Variants in LIMCH1 observed in about 807,000 individuals in gnomAD.
The protein encoded by LIMCH1 is LIM and calponin homology domains-containing protein 1.
A neutral mutation model predicts 176.5 loss-of-function variants in LIMCH1; 113 were observed. That is an observed-to-expected ratio of 0.64 (90% CI 0.55 to 0.75). The LOEUF (loss-of-function observed/expected upper bound fraction) is 0.75. Ranked by LOEUF, LIMCH1 falls within the 30% of genes least tolerant of loss-of-function variation. LIMCH1 has a pLI of 0.00. For missense variants in LIMCH1, 1,674 were observed against 1,814.9 expected (o/e 0.92, Z 1.41); for synonymous variants, 619 against 645.9 (o/e 0.96, Z 0.63).
chr4:41,522,044 TAATG>T (rs1286799351), intron 2 of LIMCH1, among the ~76,000 whole-genome samples: 2 of 152,160 alleles, frequency 1.3e-5, no homozygotes, highest in African/African-American at 4.8e-5. Context: ...AATTTTAAAA[TAATG>T]AATTTTGGGG....
In LIMCH1 at chr4:41,680,073, A is replaced by G. The variant is rs768090323; in HGVS notation, c.3587A>G (p.Glu1196Gly). The G allele has an allele frequency of 1.7e-5, 28 of 1,608,628 alleles. No homozygotes were observed. The highest frequency in any genetic ancestry group is 2.2e-5 in the Non-Finnish European group (26 of 1,177,438). Reference sequence around the variant, plus strand: ...GAAAAGGCCCAAAAGGAGGTGGAAGAGGAAGAACGCAGATACTATGAGGAG... The same window carrying G: ...GAAAAGGCCCAAAAGGAGGTGGAAGGGGAAGAACGCAGATACTATGAGGAG... ...EWEKAQKEVE[E>G]EERRYYEEER... The change falls in exon 24 of 32, where the codon GAG (glutamate) becomes GGG (glycine). Residue 1196 changes from glutamate to glycine, a missense_variant. Around this residue, in one of 3 missense-constraint regions of LIMCH1, gnomAD observed 1,015 missense variants for 1,102.5 expected, o/e 0.92. Transcript: ENST00000503057.
intron 7 of LIMCH1, among the ~76,000 whole-genome samples, chr4:41,624,145 G>C (rs535181250): frequency 6.6e-6 from 1 of 152,240 alleles, no homozygotes; most frequent in African/African-American, 2.4e-5. Flanking sequence ...TCCCATTGGA[G>C]AAGTAAACTT....
intron 1 of LIMCH1, among the ~76,000 whole-genome samples, chr4:41,435,588 GC>G (rs138314704): frequency 6.6e-6 from 1 of 152,304 alleles, no homozygotes; most frequent in East Asian, 1.9e-4. Context: ...TCATTTGAGT[GC>G]AGAATAAAGC....
intron 31 of LIMCH1, chr4:41,692,773 T>C (rs1240562248): frequency 2.3e-5 from 4 of 173,132 alleles, no homozygotes; most frequent in African/African-American, 7.5e-5. Flanking sequence ...CCACTGTTTC[T>C]CAGATCGAGC....
chr4:41,437,231 AC>A (rs1379597048), intron 1 of LIMCH1, among the ~76,000 whole-genome samples: 2 of 152,258 alleles, frequency 1.3e-5, no homozygotes, highest in African/African-American at 4.8e-5. Context: ...CTCCCCAGAA[AC>A]CTTGTAAGGT....
At chr4:41,524,902 T>C (rs780153470) in intron 3 of LIMCH1, among the ~76,000 whole-genome samples, 2 of 152,226 alleles carry the variant, frequency 1.3e-5, no homozygotes, top group Non-Finnish European at 2.9e-5. Flanking sequence ...GCTTTCAATA[T>C]TATAATCTAC....
rs1034070993 is a variant in LIMCH1, at chr4:41,377,942, A to AT, written c.96+17011dup. On this transcript the variant is annotated intron_variant, in intron 1 of 26. Coordinates refer to the LIMCH1 transcript ENST00000313860. Reference sequence around the variant, plus strand: ...GACCAAATCACCTCCCAAAGGTTCTATTTTTCAACACTGCTGCACTGGGGA... The same window carrying AT: ...GACCAAATCACCTCCCAAAGGTTCTATTTTTTCAACACTGCTGCACTGGGGA... Among the ~76,000 whole-genome samples, 8 of 152,284 alleles carry AT rather than the reference A, an allele frequency of 5.3e-5. 1 individual carries two copies. In the South Asian group the frequency reaches 6.2e-4, roughly 12 times the overall value.
At chr4:41,544,055 A>G (rs946166300) in intron 1 of LIMCH1, among the ~76,000 whole-genome samples, 1 of 152,038 alleles carries the variant, frequency 6.6e-6, no homozygotes, top group Non-Finnish European at 1.5e-5. Flanking sequence ...CTTTGCCTTT[A>G]TATTGTCTTT....
chr4:41,619,081 G>A, intron 5 of LIMCH1, 107 bp from the exon 6 acceptor site: 1 of 1,242,592 alleles, frequency 8.0e-7, no homozygotes, highest in Non-Finnish European at 1.1e-6. Flanking sequence ...ATTTAAGAAG[G>A]AATCCTCAGA....
At chr4:41,591,185 G>T (rs6447097) in intron 1 of LIMCH1, among the ~76,000 whole-genome samples, 13,152 of 152,074 alleles carry the variant, frequency 0.086, 1,865 homozygotes, top group African/African-American at 0.3. Flanking sequence ...ATGCTAGTCC[G>T]TATTAAAATT....
chr4:41,370,620 G>T (rs1042765250), intron 1 of LIMCH1, among the ~76,000 whole-genome samples: 1 of 152,180 alleles, frequency 6.6e-6, no homozygotes, highest in South Asian at 2.1e-4. Context: ...TCATAAATAG[G>T]AGGGGCCAGT....
At chr4:41,419,600 T>TTTCTTCC (rs2060305149) in intron 1 of LIMCH1, among the ~76,000 whole-genome samples, 1 of 69,288 alleles carries the variant, frequency 1.4e-5, no homozygotes, top group Admixed American at 1.4e-4. Flanking sequence ...CCTTCCTTCC[T>TTTCTTCC]TCCGTCCTTC....
intron 2 of LIMCH1, among the ~76,000 whole-genome samples, chr4:41,514,936 AC>A (rs979453272): frequency 1.3e-5 from 2 of 152,134 alleles, no homozygotes; most frequent in Non-Finnish European, 2.9e-5. Context: ...TGTAACCCAA[AC>A]CACATCTGAG....
At position 41,627,019 on chromosome 4, in the gene LIMCH1, GGTGT is replaced by G. The variant is rs34266308; in HGVS notation, c.1028+40_1028+43del. 18,152 of 1,400,770 alleles carry G rather than the reference GGTGT, an allele frequency of 0.013. 17 individuals carry two copies. The highest frequency in any genetic ancestry group is 0.022 in the African/African-American group (1,311 of 59,656). 86.8% of individuals were successfully genotyped at this position (1,400,770 alleles called of 1,614,324 possible). A position where few individuals can be genotyped will look rare whatever the true frequency, so the allele number is the denominator to read the frequency against. On this transcript the variant is annotated intron_variant, in intron 8 of 31. Coordinates refer to ENST00000503057, the MANE Select transcript of LIMCH1 (RefSeq NM_001330672.2). Reference sequence around the variant, plus strand: ...AGTCTAGAATATAAAAGGTGTGCATGGTGTGTGTGTGTGTGTGTGTGTGTGTGTG... The same window carrying G: ...AGTCTAGAATATAAAAGGTGTGCATGGTGTGTGTGTGTGTGTGTGTGTGTG...
intron 26 of LIMCH1, 104 bp downstream of exon 26, chr4:41,682,564 G>A (rs1716890155): frequency 1.1e-5 from 12 of 1,065,692 alleles, no homozygotes; most frequent in Admixed American, 2.8e-5. Flanking sequence ...ATTCAGCTTC[G>A]AAATGAATGT....
At position 41,620,658 on chromosome 4, in the gene LIMCH1, C is replaced by G. The variant is rs1165646898; in HGVS notation, c.693C>G (p.Ile231Met). ...QKRKRLEQAG[I>M]KVMPAAQRFA... is the part of the protein sequence containing the mutation. ...GCAAAAGGCTAGAGCAAGCTGGAATCAAGGTCATGCCAGCAGCACAGCGCT... is the reference window on the plus strand; with the variant it reads ...GCAAAAGGCTAGAGCAAGCTGGAATGAAGGTCATGCCAGCAGCACAGCGCT... Residue 231 changes from isoleucine to methionine, a missense_variant, in exon 7 of 32, where the codon ATC (isoleucine) becomes ATG (methionine). Physicochemically the swap from Ile to Met is conservative, Grantham distance 10. This residue lies in a region of LIMCH1 where 655 missense variants were observed against 692.2 expected (regional missense o/e 0.95). Coordinates refer to ENST00000503057, the MANE Select transcript of LIMCH1 (RefSeq NM_001330672.2). The G allele has an allele frequency of 1.3e-6, 2 of 1,536,038 alleles. No homozygotes were observed. Among genetic ancestry groups the G allele is most frequent in the Admixed American group, 3.9e-5 (2 of 51,004 alleles).
intron 1 of LIMCH1, among the ~76,000 whole-genome samples, chr4:41,398,146 C>T (rs2058007852): frequency 6.7e-6 from 1 of 148,988 alleles, no homozygotes; most frequent in African/African-American, 2.5e-5. Flanking sequence ...GAATTCATCC[C>T]TTTATCCCAT....
intron 22 of LIMCH1, among the ~76,000 whole-genome samples, chr4:41,672,887 A>G (rs2153019194): frequency 6.6e-6 from 1 of 152,266 alleles, no homozygotes; most frequent in Middle Eastern, 3.4e-3. Flanking sequence ...TCTGACCCTC[A>G]TCTTCCTTGA....
chr4:41,644,210 AC>A (rs541211752), intron 14 of LIMCH1, among the ~76,000 whole-genome samples: 2 of 152,182 alleles, frequency 1.3e-5, no homozygotes, highest in African/African-American at 2.4e-5. Context: ...TCTTCTTTAA[AC>A]CTATTTTGGC....
Sources: allele counts gnomAD v4.1 joint callset (sites outside exome capture counted in the v4.1 genomes callset), GRCh38; gene constraint gnomAD v4.1.1; regional missense constraint gnomAD v4.1.1; transcripts MANE v1.5; gene names NCBI Gene and HGNC (gene_info 2026-07-23, HGNC 2026-07-21).